Variants in PALS1 observed in about 807,000 individuals in gnomAD.
PALS1 encodes the protein protein associated with LIN7 1, MAGUK p55 family member, also known as protein PALS1.
A neutral mutation model predicts 78.9 loss-of-function variants in PALS1; 31 were observed. That is an observed-to-expected ratio of 0.39 (90% confidence interval 0.30 to 0.53). PALS1 has a LOEUF of 0.53. Among genes scored for constraint, PALS1 ranks in the 20% least tolerant of loss-of-function variants. The probability of loss-of-function intolerance (pLI) is 0.67; values close to 1 mark genes in which losing one functional copy is unlikely to be tolerated. For synonymous variants in PALS1, 276 were observed against 270.9 expected, an observed-to-expected ratio of 1.02 and a Z score of -0.18; for missense variants, 704 against 826.5, an observed-to-expected ratio of 0.85 and a Z score of 1.82.
rs1414184042 is a variant in PALS1 at position 67,302,077 on chromosome 14, G to A, written c.760G>A (p.Val254Ile). The change falls in exon 6 of 15, where the codon GTA becomes ATA. Residue 254 changes from valine (V) to isoleucine (I), a missense_variant. Transcript: ENST00000261681. The part of the protein sequence containing the change: ...ESIGQYGGET[V>I]KIVRIEKARD... ...TATTGGCCAGTATGGAGGAGAAACT[G>A]TAAAAATAGTTCGTATAGAAAAGGC... is the stretch of plus-strand genomic sequence containing the variant. 2 of 1,607,956 alleles carry A rather than the reference G, an allele frequency of 1.2e-6. No homozygotes were observed. The highest frequency in any genetic ancestry group is 1.7e-6 in the Non-Finnish European group (2 of 1,177,094).
intron 4 of PALS1, among the ~76,000 whole-genome samples, chr14:67,299,117 T>C (rs963290434): frequency 4.6e-5 from 7 of 152,348 alleles, no homozygotes; most frequent in Non-Finnish European, 7.4e-5. Flanking sequence ...AGGTAGGTAA[T>C]GGTATCTTGT....
chr14:67,318,430 T>C (rs75982268), intron 11 of PALS1, among the ~76,000 whole-genome samples: 2,962 of 151,728 alleles, frequency 0.02, 40 homozygotes, highest in Middle Eastern at 0.034. Context: ...AATATCTCTT[T>C]TATTTTTTGA....
intron 4 of PALS1, among the ~76,000 whole-genome samples, chr14:67,298,250 T>G (rs932808076): frequency 1.8e-4 from 27 of 152,260 alleles, no homozygotes; most frequent in African/African-American, 6.5e-4. Flanking sequence ...AGTAATTTAT[T>G]AGTATCAAGT....
At position 67,323,615 on chromosome 14, in the gene PALS1, AATATATAT is replaced by A; in HGVS notation, c.1741-72_1741-65del. 3 of 258,784 alleles carry A rather than the reference AATATATAT, an allele frequency of 1.2e-5. 1 individual carries two copies. Among genetic ancestry groups the A allele is most frequent in the Non-Finnish European group, 2.1e-5 (3 of 143,534 alleles). The allele number at this position is 258,784 out of a possible 1,614,324, so 16.0% of individuals were successfully genotyped here. On this transcript the variant is annotated intron_variant, in intron 13 of 14. Coordinates refer to ENST00000261681, the MANE Select transcript of PALS1 (RefSeq NM_022474.4). Reference sequence around the variant, plus strand: ...GGCAACAGAGCAAGTCCCTTAATCTAATATATATATATATATATATATCAGTATTATTA... The same window carrying A: ...GGCAACAGAGCAAGTCCCTTAATCTAATATATATATATATCAGTATTATTA...
At chr14:67,332,755 C>T (rs916676518) in intron 14 of PALS1, 25 bp from the exon 15 acceptor site, 4 of 1,589,118 alleles carry the variant, frequency 2.5e-6, no homozygotes, top group Non-Finnish European at 3.4e-6. Context: ...GGAATTATCT[C>T]ACAGTTTTTA....
chr14:67,273,826 A>G (rs919153715), intron 2 of PALS1, among the ~76,000 whole-genome samples: 2 of 152,168 alleles, frequency 1.3e-5, no homozygotes, highest in African/African-American at 2.4e-5. Flanking sequence ...AACTGGTGTG[A>G]GATGGTATCT....
At chr14:67,330,066 G>C (rs185871419) in intron 14 of PALS1, among the ~76,000 whole-genome samples, 6 of 149,582 alleles carry the variant, frequency 4.0e-5, no homozygotes, top group African/African-American at 1.5e-4. Flanking sequence ...TGGTAAGAGA[G>C]AATATATGCC....
rs2085480105 is a variant in PALS1 at position 67,333,427 on chromosome 14, C to T, written c.*471C>T. The T allele has an allele frequency of 6.6e-6, 1 of 152,650 alleles. No individual in the cohort carries two copies. The highest frequency in any genetic ancestry group is 2.1e-4 in the South Asian group (1 of 4,814). 9.5% of individuals were successfully genotyped at this position (152,650 alleles called of 1,614,324 possible). ...TATGCACTGGGCAAGGCAGTATTTG[C>T]TTAGGAAACTAATTTAGTCATCAGA... On this transcript the variant is annotated 3_prime_UTR_variant, in exon 15 of 15. Coordinates refer to ENST00000261681, the MANE Select transcript of PALS1 (RefSeq NM_022474.4).
intron 2 of PALS1, among the ~76,000 whole-genome samples, chr14:67,273,805 A>C (rs1434455020): frequency 6.6e-6 from 1 of 152,126 alleles, no homozygotes; most frequent in Non-Finnish European, 1.5e-5. Flanking sequence ...CTTTTTAATG[A>C]TCGCCATTCT....
Position 67,334,097 on chromosome 14 carries a change from A to C in PALS1, c.*1141A>C, listed in dbSNP as rs892374887. ...ACAGTTGACTTTAAGATCAAAAGGA[A>C]GGGAAGACCTGAAAGTCATTTGAAC... On this transcript the variant is annotated 3_prime_UTR_variant, in exon 15 of 15. Coordinates refer to ENST00000261681, the MANE Select transcript of PALS1 (RefSeq NM_022474.4). 2.0e-5 allele frequency: 3 copies of C among 152,596 alleles called. No homozygotes were observed. The highest frequency in any genetic ancestry group is 7.2e-5 in the African/African-American group (3 of 41,454). 9.5% of individuals were successfully genotyped at this position (152,596 alleles called of 1,614,324 possible).
In PALS1 at chr14:67,292,530, T is replaced by G. The variant is rs1173521534; in HGVS notation, c.387T>G (p.Ser129=). ...VKILEIEDLF[S]SLKHIQHTLV... is the part of the protein sequence containing the mutation. ...TACTAGAAATAGAAGACTTGTTTTC[T>G]TCACTTAAACATATCCAACATACTT... The change falls in exon 4 of 15, where the codon TCT becomes TCG. Residue 129 remains serine, a synonymous_variant. Transcript: ENST00000261681. 1.2e-6 allele frequency: 2 copies of G among 1,611,714 alleles called. No individual in the cohort carries two copies. Among genetic ancestry groups the G allele is most frequent in the South Asian group, 2.2e-5 (2 of 90,944 alleles).
chr14:67,257,243 C>T (rs2084159225), intron 1 of PALS1, among the ~76,000 whole-genome samples: 1 of 152,124 alleles, frequency 6.6e-6, no homozygotes, highest in South Asian at 2.1e-4. Flanking sequence ...AACCATAGGG[C>T]AGAGGAAGCA....
Position 67,292,640 on chromosome 14 carries a change from A to T in PALS1, c.497A>T (p.His166Leu). Residue 166 changes from histidine to leucine, a missense_variant, in exon 4 of 15, where the codon CAC (histidine) becomes CTC (leucine). His to Leu is a moderately conservative substitution (Grantham distance 99). Coordinates refer to ENST00000261681, the MANE Select transcript of PALS1 (RefSeq NM_022474.4). ...GATTTCCAGAATGCATTTAAGATAC[A>T]CAATGCCATCACAGTACACATGAAC... Reference protein sequence around the residue: ...NKDFQNAFKIHNAITVHMNKA... With the variant: ...NKDFQNAFKILNAITVHMNKA... 1.9e-6 allele frequency: 3 copies of T among 1,613,760 alleles called. No homozygotes were observed. Among genetic ancestry groups the T allele is most frequent in the Non-Finnish European group, 2.5e-6 (3 of 1,179,760 alleles).
chr14:67,280,853 T>TTCCTTCCTTCCTTCCTTCCCTCCC (rs1328488242), intron 3 of PALS1, among the ~76,000 whole-genome samples: 3 of 77,606 alleles, frequency 3.9e-5, no homozygotes, highest in African/African-American at 2.0e-4. Flanking sequence ...CCTTCCTTCC[T>TTCCTTCCTTCCTTCCTTCCCTCCC]TCCCTCCCTC....
At chr14:67,289,546 T>A (rs2084740740) in intron 3 of PALS1, among the ~76,000 whole-genome samples, 1 of 152,100 alleles carries the variant, frequency 6.6e-6, no homozygotes, top group South Asian at 2.1e-4. Context: ...TAAGGAAGAC[T>A]AAATATATAT....
At chr14:67,332,327 A>G (rs931292916) in intron 14 of PALS1, among the ~76,000 whole-genome samples, 1 of 152,212 alleles carries the variant, frequency 6.6e-6, no homozygotes, top group African/African-American at 2.4e-5. Context: ...TGCAGCAGAT[A>G]GTATAGGGCA....
At chr14:67,248,377 A>G (rs2084017657) in intron 1 of PALS1, among the ~76,000 whole-genome samples, 1 of 152,138 alleles carries the variant, frequency 6.6e-6, no homozygotes, top group South Asian at 2.1e-4. Flanking sequence ...GAAACCAAAT[A>G]TAAGATTTTG....
At position 67,323,615 on chromosome 14, in the gene PALS1, A is replaced by AATAT. The variant is rs150511527; in HGVS notation, c.1741-68_1741-65dup. On this transcript the variant is annotated intron_variant, in intron 13 of 14. Transcript: ENST00000261681. ...GGCAACAGAGCAAGTCCCTTAATCT[A>AATAT]ATATATATATATATATATATATCAG... The AATAT allele has an allele frequency of 8.5e-3, 2,215 of 259,584 alleles. 16 individuals are homozygous for AATAT. The highest frequency in any genetic ancestry group is 9.7e-3 in the African/African-American group (398 of 41,146). The allele number at this position is 259,584 out of a possible 1,614,324, so 16.1% of individuals were successfully genotyped here.
chr14:67,332,287 C>T (rs2085462197), intron 14 of PALS1, among the ~76,000 whole-genome samples: 1 of 152,140 alleles, frequency 6.6e-6, no homozygotes, highest in Non-Finnish European at 1.5e-5. Context: ...ATATAGTTTC[C>T]CAAACTCTGG....
Sources: gnomAD v4.1 joint callset for allele counts (sites outside exome capture counted in the v4.1 genomes callset) on GRCh38, gnomAD v4.1.1 for gene constraint, MANE v1.5 for transcripts, NCBI Gene and HGNC (gene_info 2026-07-23, HGNC 2026-07-21) for gene names.